Variants in EDC3 observed in about 807,000 individuals in gnomAD.
EDC3 encodes enhancer of mRNA decapping 3.
EDC3 carries 20 observed loss-of-function variants against 41.8 expected under a neutral mutation model. The ratio of observed to expected loss-of-function variants is 0.48; its 90% CI spans 0.34 to 0.70. The LOEUF is 0.70. EDC3 is among the 30% of genes least tolerant of loss of function. The pLI, the probability that EDC3 is intolerant of heterozygous loss-of-function variation, is 0.01. For missense variants in EDC3, 444 were observed against 636.8 expected (o/e 0.70, Z 3.26); for synonymous variants, 206 against 243.2 (o/e 0.85, Z 1.42).
chr15:74,694,531 C>A (rs1567187536), intron 1 of EDC3, among the ~76,000 whole-genome samples: 3 of 152,222 alleles, frequency 2.0e-5, no homozygotes, highest in Admixed American at 6.5e-5. Flanking sequence ...GTCTCCAACT[C>A]CTGACCTCAG....
chr15:74,664,518 A>G (rs2062656671), intron 3 of EDC3, among the ~76,000 whole-genome samples: 1 of 152,236 alleles, frequency 6.6e-6, no homozygotes, highest in Non-Finnish European at 1.5e-5. Flanking sequence ...CCTCAGTGCC[A>G]CTTATTTATT....
chr15:74,649,257 G>C (rs911917177), intron 4 of EDC3, among the ~76,000 whole-genome samples: 1 of 151,622 alleles, frequency 6.6e-6, no homozygotes, highest in Non-Finnish European at 1.5e-5. Flanking sequence ...TTTTAGTAGA[G>C]ACGGGGTTTC....
At chr15:74,649,124 G>A (rs2062450771) in intron 4 of EDC3, among the ~76,000 whole-genome samples, 1 of 147,986 alleles carries the variant, frequency 6.8e-6, no homozygotes, top group Non-Finnish European at 1.5e-5. Flanking sequence ...GAGTGCAGTG[G>A]CACAATCTCA....
chr15:74,643,099 CT>C (rs1165968742), intron 4 of EDC3: 1 of 152,166 alleles, frequency 6.6e-6, no homozygotes, highest in Non-Finnish European at 1.5e-5. Context: ...CAAAATGTTC[CT>C]TTTAAACATT....
chr15:74,644,396 C>A (rs946321383), intron 4 of EDC3: 1 of 152,248 alleles, frequency 6.6e-6, no homozygotes, highest in Admixed American at 6.5e-5. Context: ...GGTGTCAGCA[C>A]GCTGCTTACT....
chr15:74,668,725 T>C, intron 3 of EDC3, among the ~76,000 whole-genome samples: 1 of 58,442 alleles, frequency 1.7e-5, no homozygotes, highest in East Asian at 9.4e-4. Flanking sequence ...GTCTCAAAAA[T>C]GAATGAAAGA....
At chr15:74,638,947 A>AC (rs1413443233) in intron 5 of EDC3, 3 of 150,376 alleles carry the variant, frequency 2.0e-5, no homozygotes, top group Non-Finnish European at 4.4e-5. Flanking sequence ...TTTCTAAGAG[A>AC]CAAAAAAAAA....
At chr15:74,665,093 G>A (rs1455367800) in intron 3 of EDC3, among the ~76,000 whole-genome samples, 4 of 152,264 alleles carry the variant, frequency 2.6e-5, no homozygotes, top group East Asian at 3.9e-4. Context: ...GCACGATCTC[G>A]GCTCACTGCA....
At chr15:74,635,347 C>T (rs758424821) in intron 6 of EDC3, 62 bp downstream of exon 6, 110 of 1,522,338 alleles carry the variant, frequency 7.2e-5, no homozygotes, top group Non-Finnish European at 9.7e-5. Context: ...GGTGGCATGA[C>T]GAGACCATCA....
At position 74,675,030 on chromosome 15, in the gene EDC3, C is replaced by G. The variant is rs2062786460; in HGVS notation, c.95G>C (p.Ser32Thr). The change falls in exon 2 of 7, where the codon AGC (serine) becomes ACC (threonine). Residue 32 changes from serine (S) to threonine (T), a missense_variant. This residue lies in a region of EDC3 where 200 missense variants were observed against 244.0 expected (regional missense o/e 0.82). Transcript: ENST00000315127. ...QGRVSAVDQV[S>T]QTISLTRPFH... ...AGGCCGGGTGAGAGAAATGGTCTGG[C>G]TGACCTGATCCACAGCTGACACTCT... 6.2e-7 allele frequency: 1 copy of G among 1,614,126 alleles called. No homozygotes were observed. Among genetic ancestry groups the G allele is most frequent in the Non-Finnish European group, 8.5e-7 (1 of 1,180,036 alleles).
chr15:74,652,160 A>G (rs1258605713), intron 4 of EDC3, among the ~76,000 whole-genome samples: 1 of 152,204 alleles, frequency 6.6e-6, no homozygotes, highest in Non-Finnish European at 1.5e-5. Context: ...TGATAAGTCT[A>G]ACCATTGTAA....
At chr15:74,680,786 G>C (rs1305425554) in intron 1 of EDC3, among the ~76,000 whole-genome samples, 1 of 152,014 alleles carries the variant, frequency 6.6e-6, no homozygotes, top group South Asian at 2.1e-4. Flanking sequence ...CAAGATTGTG[G>C]GATACAAGAT....
Position 74,671,749 on chromosome 15 carries a change from T to C in EDC3, c.190A>G (p.Ile64Val). 2 of 1,614,092 alleles carry C rather than the reference T, an allele frequency of 1.2e-6. No homozygotes were observed. The highest frequency in any genetic ancestry group is 2.2e-5 in the South Asian group (2 of 91,082). The change falls in exon 3 of 7, where the codon ATT becomes GTT. Residue 64 changes from isoleucine to valine, a missense_variant. This residue lies in a region of EDC3 where 200 missense variants were observed against 244.0 expected (regional missense o/e 0.82). Transcript: ENST00000315127. The surrounding 1 kb of genome is among the most constrained non-coding windows in gnomAD (Gnocchi z 4.6). ...FRAGDITELK[I>V]LEIPGPGDNQ... Reference sequence around the variant, plus strand: ...TCTCCAGGTCCTGGTATCTCCAGAATTTTTAACTCCGTAATGTCACCTGCC... The same window carrying C: ...TCTCCAGGTCCTGGTATCTCCAGAACTTTTAACTCCGTAATGTCACCTGCC...
chr15:74,674,866 G>A, intron 2 of EDC3, 95 bp downstream of exon 2: 2 of 1,405,140 alleles, frequency 1.4e-6, no homozygotes, highest in Non-Finnish European at 2.0e-6. Flanking sequence ...AATACAAAAA[G>A]CGGCCATATG....
chr15:74,663,320 T>TAAAGAA (rs994808949), intron 3 of EDC3, among the ~76,000 whole-genome samples: 1 of 151,834 alleles, frequency 6.6e-6, no homozygotes. Context: ...AAATAAAATG[T>TAAAGAA]AAAGAAAAAG....
chr15:74,691,829 G>T (rs945239723), intron 1 of EDC3, among the ~76,000 whole-genome samples: 6 of 152,096 alleles, frequency 3.9e-5, no homozygotes, highest in African/African-American at 9.6e-5. Flanking sequence ...GTTTTTTTGG[G>T]TTTTTTTGAG....
chr15:74,682,397 T>A (rs959054827), intron 1 of EDC3, among the ~76,000 whole-genome samples: 1 of 151,430 alleles, frequency 6.6e-6, no homozygotes, highest in South Asian at 2.1e-4. Flanking sequence ...GGCGGGTGGA[T>A]CACAACGTCA....
At chr15:74,655,624 T>C (rs1415034576) in intron 4 of EDC3, 109 bp downstream of exon 4, 4 of 1,147,556 alleles carry the variant, frequency 3.5e-6, no homozygotes, top group Non-Finnish European at 4.8e-6. Context: ...CCAAGCCACT[T>C]AAATTAATTC....
Position 74,635,411 on chromosome 15 carries a change from T to C in EDC3, c.1190A>G (p.Lys397Arg), listed in dbSNP as rs2062260292. ...CCCAGCCCTGCCTAAGTGCTCACCT[T>C]TGAGGCTAGACACTTGTTGGCCTTG... ...KTQGQQVSSLKDLPTSPVDLV... is the reference protein window; with the variant it reads ...KTQGQQVSSLRDLPTSPVDLV... Residue 397 changes from lysine (K) to arginine (R), a missense_variant and splice_region_variant, in exon 6 of 7, where the codon AAA becomes AGA. Transcript: ENST00000315127. 6.2e-7 allele frequency: 1 copy of C among 1,614,030 alleles called. No homozygotes were observed. The highest frequency in any genetic ancestry group is 8.5e-7 in the Non-Finnish European group (1 of 1,179,976).
Sources: allele counts gnomAD v4.1 joint callset (sites outside exome capture counted in the v4.1 genomes callset), GRCh38; gene constraint gnomAD v4.1.1; regional missense constraint gnomAD v4.1.1; non-coding constraint Gnocchi (gnomAD v3.1); transcripts MANE v1.5; gene names NCBI Gene and HGNC (gene_info 2026-07-23, HGNC 2026-07-21).